Variants in FOXO3 observed in about 807,000 individuals in gnomAD.
FOXO3 encodes forkhead box O3.
Under a neutral mutation model 41.9 loss-of-function variants are expected in FOXO3, and 4 were observed. That is an observed-to-expected ratio of 0.10 (90% CI 0.05 to 0.22). FOXO3 has a LOEUF of 0.22. FOXO3 is among the 10% of genes least tolerant of loss of function. The pLI, the probability that FOXO3 is intolerant of heterozygous loss-of-function variation, is 1.00. For synonymous variants in FOXO3, 318 were observed against 389.3 expected (o/e 0.82, Z 2.16); for missense variants, 534 against 906.8 (o/e 0.59, Z 5.28).
chr6:108,614,240 C>A (rs1237908498), intron 1 of FOXO3, among the ~76,000 whole-genome samples: 1 of 152,122 alleles, frequency 6.6e-6, no homozygotes, highest in Non-Finnish European at 1.5e-5. Flanking sequence ...TTCATTTTCT[C>A]ACTACATGTT....
At chr6:108,663,278 G>A (rs948706717) in intron 1 of FOXO3, among the ~76,000 whole-genome samples, 177 bp from the exon 2 acceptor site, 5 of 152,190 alleles carry the variant, frequency 3.3e-5, no homozygotes, top group South Asian at 2.1e-4. Context: ...CTTCAGGATC[G>A]CTTCAGCCCA....
rs1351391816 is a variant in FOXO3, at chr6:108,681,225, G to C, written c.*1433G>C. 2.6e-5 allele frequency: 4 copies of C among 152,648 alleles called. No individual in the cohort carries two copies. Among genetic ancestry groups the C allele is most frequent in the Non-Finnish European group, 5.9e-5 (4 of 68,050 alleles). 9.5% of individuals were successfully genotyped at this position (152,648 alleles called of 1,614,324 possible). A position where few individuals can be genotyped will look rare whatever the true frequency, so the allele number is the denominator to read the frequency against. ...TAAGAAATTGGTATAACGATGCTCT[G>C]ATTAGCACAGTATATGCATACTTCT... On this transcript the variant is annotated 3_prime_UTR_variant, in exon 3 of 3. Coordinates refer to ENST00000406360, the MANE Select transcript of FOXO3 (RefSeq NM_001455.4).
At position 108,682,772 on chromosome 6, in the gene FOXO3, C is replaced by A. The variant is rs1276302033; in HGVS notation, c.*2980C>A. 6 of 152,264 alleles carry A rather than the reference C, an allele frequency of 3.9e-5. No individual in the cohort carries two copies. Among genetic ancestry groups the A allele is most frequent in the African/African-American group, 9.6e-5 (4 of 41,466 alleles). The allele number at this position is 152,264 out of a possible 1,614,324, so 9.4% of individuals were successfully genotyped here. A position where few individuals can be genotyped will look rare whatever the true frequency, so the allele number is the denominator to read the frequency against. ...GGAGCATATCAGCAGAATGCTTAGC[C>A]TCAAGGGGCCTGGCAGCTGTAATGT... On this transcript the variant is annotated 3_prime_UTR_variant, in exon 3 of 3. Transcript: ENST00000406360.
rs1775786834 is a variant in FOXO3 at position 108,561,558 on chromosome 6, G to A, written c.350G>A (p.Gly117Asp). ...GGGTCTGGGCCAGCCACCGCGGCGGGCGGGCTGAGCGGGGGTACACAGGCG... is the reference window on the plus strand; with the variant it reads ...GGGTCTGGGCCAGCCACCGCGGCGGACGGGCTGAGCGGGGGTACACAGGCG... Reference protein sequence around the residue: ...DPGSGPATAAGGLSGGTQALL... With the variant: ...DPGSGPATAADGLSGGTQALL... The change falls in exon 1 of 3, where the codon GGC (glycine) becomes GAC (aspartate). Residue 117 changes from glycine (G) to aspartate (D), a missense_variant. Gly to Asp is a moderately conservative substitution (Grantham distance 94). Coordinates refer to ENST00000406360, the MANE Select transcript of FOXO3 (RefSeq NM_001455.4). 7.0e-7 allele frequency: 1 copy of A among 1,435,050 alleles called. No individual in the cohort carries two copies. The highest frequency in any genetic ancestry group is 1.5e-5 in the South Asian group (1 of 66,740). The allele number at this position is 1,435,050 out of a possible 1,614,324, so 88.9% of individuals were successfully genotyped here.
chr6:108,636,732 A>G (rs1778131674), intron 1 of FOXO3, among the ~76,000 whole-genome samples: 1 of 152,140 alleles, frequency 6.6e-6, no homozygotes, highest in Non-Finnish European at 1.5e-5. Context: ...GACATATGCC[A>G]GGTGAGAAAC....
rs771281134 is a variant in FOXO3, at chr6:108,570,417, G to A, written c.621+8588G>A. Among the ~76,000 whole-genome samples the A allele has an allele frequency of 3.9e-5, 6 of 152,010 alleles. No individual in the cohort carries two copies. In the South Asian group the frequency reaches 1.0e-3, roughly 26 times the overall value. On this transcript the variant is annotated intron_variant, in intron 1 of 2. Coordinates refer to ENST00000406360, the MANE Select transcript of FOXO3 (RefSeq NM_001455.4). ...CAGCTTCAAACTCCTGGCTCTCTCT[G>A]TAGAGAGCTATGATCCTCCTGCCTC... is the stretch of plus-strand genomic sequence containing the variant.
At chr6:108,642,415 G>A (rs1778285809) in intron 1 of FOXO3, among the ~76,000 whole-genome samples, 1 of 152,080 alleles carries the variant, frequency 6.6e-6, no homozygotes, top group South Asian at 2.1e-4. Context: ...GTATACTTAA[G>A]AGAGTTTTTG....
chr6:108,560,247 C>T (rs1775734498), upstream of FOXO3, among the ~76,000 whole-genome samples: 1 of 152,186 alleles, frequency 6.6e-6, no homozygotes, highest in South Asian at 2.1e-4. Context: ...GCCCGGGAGA[C>T]TTGGCGCTTC....
At chr6:108,579,153 A>C (rs970114740) in intron 1 of FOXO3, among the ~76,000 whole-genome samples, 3 of 152,214 alleles carry the variant, frequency 2.0e-5, no homozygotes, top group Non-Finnish European at 2.9e-5. Context: ...AACAAACTCC[A>C]GCAGGATGAC....
At chr6:108,593,258 A>G (rs546253794) in intron 1 of FOXO3, among the ~76,000 whole-genome samples, 36 of 152,330 alleles carry the variant, frequency 2.4e-4, no homozygotes, top group African/African-American at 7.9e-4. Context: ...AGGTAGTACT[A>G]TTTTTTAAAT....
intron 2 of FOXO3, among the ~76,000 whole-genome samples, chr6:108,674,509 A>T (rs568916285): frequency 6.6e-6 from 1 of 152,304 alleles, no homozygotes; most frequent in South Asian, 2.1e-4. Flanking sequence ...GGAGTTCAAC[A>T]TGTTAGGAGC....
intron 1 of FOXO3, among the ~76,000 whole-genome samples, chr6:108,654,482 G>C: frequency 6.6e-6 from 1 of 152,076 alleles, no homozygotes; most frequent in Non-Finnish European, 1.5e-5. Context: ...CTCCCCTTGG[G>C]AAAGCCTCAT....
At chr6:108,570,158 C>T (rs1290732074) in intron 1 of FOXO3, among the ~76,000 whole-genome samples, 1 of 151,844 alleles carries the variant, frequency 6.6e-6, no homozygotes, top group East Asian at 1.9e-4. Context: ...CGCCACCACT[C>T]CCAGCTAATT....
At chr6:108,636,093 CT>C (rs1211430957) in intron 1 of FOXO3, among the ~76,000 whole-genome samples, 1 of 152,196 alleles carries the variant, frequency 6.6e-6, no homozygotes, top group Non-Finnish European at 1.5e-5. Flanking sequence ...ACAGATTGTT[CT>C]GAGGGCTGGG....
chr6:108,639,604 A>C, intron 1 of FOXO3: 1 of 985,082 alleles, frequency 1.0e-6, no homozygotes, highest in Non-Finnish European at 1.2e-6. Context: ...ACCCTGCCTC[A>C]AACAGGTTTG....
chr6:108,581,630 G>A (rs1007486613), intron 1 of FOXO3, among the ~76,000 whole-genome samples: 3 of 152,178 alleles, frequency 2.0e-5, no homozygotes, highest in Non-Finnish European at 2.9e-5. Flanking sequence ...GGAAGGAAAA[G>A]GAGGAAAGCA....
In FOXO3 at chr6:108,561,156, C is replaced by A; in HGVS notation, c.-53C>A. On this transcript the variant is annotated 5_prime_UTR_variant, in exon 1 of 3. Coordinates refer to ENST00000406360, the MANE Select transcript of FOXO3 (RefSeq NM_001455.4). ...GTCCCTCCCCCGCTGCACCCCGCCCCGGCGCGAGAGGAGAGCGCGAGAGCC... is the reference window on the plus strand; with the variant it reads ...GTCCCTCCCCCGCTGCACCCCGCCCAGGCGCGAGAGGAGAGCGCGAGAGCC... The A allele has an allele frequency of 6.0e-6, 9 of 1,498,502 alleles. No homozygotes were observed. Among genetic ancestry groups the A allele is most frequent in the African/African-American group, 1.5e-5 (1 of 68,938 alleles). 92.8% of individuals were successfully genotyped at this position (1,498,502 alleles called of 1,614,324 possible). A position where few individuals can be genotyped will look rare whatever the true frequency, so the allele number is the denominator to read the frequency against.
intron 1 of FOXO3, among the ~76,000 whole-genome samples, chr6:108,633,873 C>T (rs1778042872): frequency 6.6e-6 from 1 of 152,004 alleles, no homozygotes; most frequent in Non-Finnish European, 1.5e-5. Context: ...AAGCTGAGAA[C>T]CAATTGCCCA....
At chr6:108,576,421 C>G (rs953997041) in intron 1 of FOXO3, among the ~76,000 whole-genome samples, 4 of 152,176 alleles carry the variant, frequency 2.6e-5, no homozygotes, top group Non-Finnish European at 5.9e-5. Context: ...TTCCAATAGT[C>G]TCATAAAATC....
Sources: allele counts gnomAD v4.1 joint callset (sites outside exome capture counted in the v4.1 genomes callset), GRCh38; gene constraint gnomAD v4.1.1; transcripts MANE v1.5; gene names NCBI Gene and HGNC (gene_info 2026-07-23, HGNC 2026-07-21).